ATP8B1: variants seen among roughly 807,000 people sequenced by gnomAD.
ATP8B1 encodes the protein phospholipid-transporting ATPase IC.
A neutral mutation model predicts 149.9 loss-of-function variants in ATP8B1; 80 were observed. That is an observed-to-expected ratio of 0.53 (90% CI 0.45 to 0.64). The LOEUF is 0.64. Ranked by LOEUF, ATP8B1 falls within the 30% of genes least tolerant of loss-of-function variation. The probability of loss-of-function intolerance (pLI) is 0.00; values close to 1 mark genes in which losing one functional copy is unlikely to be tolerated. For missense variants in ATP8B1, 1,247 were observed against 1,552.6 expected (o/e 0.80, Z 3.31); for synonymous variants, 536 against 562.8 (o/e 0.95, Z 0.67).
chr18:57,661,861 T>A (rs1341580467), intron 21 of ATP8B1, among the ~76,000 whole-genome samples: 1 of 151,524 alleles, frequency 6.6e-6, no homozygotes. Flanking sequence ...ACTACAGGTG[T>A]GCACCACCAC....
intron 6 of ATP8B1, among the ~76,000 whole-genome samples, chr18:57,700,511 G>T (rs1034737142): frequency 2.0e-5 from 3 of 152,064 alleles, no homozygotes; most frequent in African/African-American, 4.8e-5. Context: ...GTGTTGATAT[G>T]TTAAAAATTT....
intron 16 of ATP8B1, among the ~76,000 whole-genome samples, chr18:57,672,886 GTATATATATATATA>G (rs1198919117): frequency 1.1e-3 from 16 of 14,062 alleles, no homozygotes; most frequent in African/African-American, 3.7e-3. Flanking sequence ...AAAAAAAAAA[GTATATATATATATA>G]TATATATATA....
chr18:57,745,428 TG>T (rs2079955576), intron 1 of ATP8B1, among the ~76,000 whole-genome samples: 1 of 151,312 alleles, frequency 6.6e-6, no homozygotes, highest in African/African-American at 2.4e-5. Context: ...TGCACCACCA[TG>T]CTCGAGTAAT....
At chr18:57,783,277 G>T (rs1038829580) in intron 1 of ATP8B1, among the ~76,000 whole-genome samples, 1 of 152,250 alleles carries the variant, frequency 6.6e-6, no homozygotes, top group South Asian at 2.1e-4. Context: ...CTGATGGAAC[G>T]CAGGCATGGA....
intron 18 of ATP8B1, chr18:57,668,995 T>G: frequency 9.1e-6 from 2 of 218,932 alleles, no homozygotes; most frequent in Non-Finnish European, 8.8e-6. Flanking sequence ...ATTGTTTCGG[T>G]AATTCCCCCA....
At chr18:57,672,912 A>AAAACATG (rs1568189256) in intron 16 of ATP8B1, among the ~76,000 whole-genome samples, 6 of 75,514 alleles carry the variant, frequency 7.9e-5, no homozygotes, top group South Asian at 9.8e-4. Flanking sequence ...ATATATATAT[A>AAAACATG]TATATATATA....
At chr18:57,707,077 C>T (rs1353899606) in intron 2 of ATP8B1, among the ~76,000 whole-genome samples, 2 of 152,056 alleles carry the variant, frequency 1.3e-5, no homozygotes, top group African/African-American at 4.8e-5. Flanking sequence ...GAGGCCAAGG[C>T]GGGTGAATCA....
At chr18:57,728,907 A>T (rs1046998570) in intron 2 of ATP8B1, among the ~76,000 whole-genome samples, 12 of 151,746 alleles carry the variant, frequency 7.9e-5, no homozygotes, top group African/African-American at 2.9e-4. Flanking sequence ...TTTAATAGAG[A>T]TGGGGTTTCA....
Position 57,648,152 on chromosome 18 carries a change from A to C in ATP8B1, c.*336T>G. The C allele has an allele frequency of 4.9e-6, 2 of 405,752 alleles. No homozygotes were observed. The highest frequency in any genetic ancestry group is 5.4e-5 in the East Asian group (1 of 18,386). The allele number at this position is 405,752 out of a possible 1,614,324, so 25.1% of individuals were successfully genotyped here. ...CGGGTGCCCACCACCAAGCCCGGCTAATTTTTAATTTATGGTAGAGACAGG... is the reference window on the plus strand; with the variant it reads ...CGGGTGCCCACCACCAAGCCCGGCTCATTTTTAATTTATGGTAGAGACAGG... On this transcript the variant is annotated 3_prime_UTR_variant, in exon 28 of 28. Transcript: ENST00000648908.
intron 15 of ATP8B1, among the ~76,000 whole-genome samples, 187 bp from the exon 16 acceptor site, chr18:57,675,209 TATAAAC>T (rs1911521981): frequency 6.6e-6 from 1 of 152,264 alleles, no homozygotes; most frequent in African/African-American, 2.4e-5. Context: ...TATCTTGACT[TATAAAC>T]AGTAATATAA....
At chr18:57,686,667 C>T (rs552620495) in intron 13 of ATP8B1, among the ~76,000 whole-genome samples, 3 of 152,274 alleles carry the variant, frequency 2.0e-5, no homozygotes, top group South Asian at 2.1e-4. Context: ...GATCCACCCA[C>T]GTAGGCCTCC....
intron 1 of ATP8B1, among the ~76,000 whole-genome samples, chr18:57,771,436 A>G (rs1014271331): frequency 6.6e-6 from 1 of 151,434 alleles, no homozygotes; most frequent in Non-Finnish European, 1.5e-5. Context: ...CCTTCAATTC[A>G]CTTACTTCCT....
chr18:57,707,169 A>C (rs1441496468), intron 2 of ATP8B1, among the ~76,000 whole-genome samples: 1 of 152,064 alleles, frequency 6.6e-6, no homozygotes, highest in Non-Finnish European at 1.5e-5. Context: ...AGTGGCGGGC[A>C]CCTGTAATCC....
chr18:57,732,143 G>GTATATATATGTGTATATATA lies in ATP8B1; in HGVS notation c.-25-312_-25-311insTATATATACACATATATATA, dbSNP rs1401834198. The GTATATATATGTGTATATATA allele has an allele frequency of 1.4e-4, 5 of 36,794 alleles. 2 individuals are homozygous for GTATATATATGTGTATATATA. Among genetic ancestry groups the GTATATATATGTGTATATATA allele is most frequent in the Non-Finnish European group, 2.7e-4 (5 of 18,382 alleles). 2.3% of individuals were successfully genotyped at this position (36,794 alleles called of 1,614,324 possible). On this transcript the variant is annotated intron_variant, in intron 1 of 27. Transcript: ENST00000648908. The stretch of plus-strand genomic sequence containing the variant: ...TATATATATGTGTATATGTATATAT[G>GTATATATATGTGTATATATA]TGTATATATGTATATATATGTATAT...
At chr18:57,716,282 A>C (rs2079582189) in intron 2 of ATP8B1, among the ~76,000 whole-genome samples, 1 of 152,160 alleles carries the variant, frequency 6.6e-6, no homozygotes, top group Non-Finnish European at 1.5e-5. Context: ...GAAGGGAGGA[A>C]AGAAGGAAGA....
chr18:57,689,941 A>G (rs1035589256), intron 12 of ATP8B1, among the ~76,000 whole-genome samples: 10 of 152,214 alleles, frequency 6.6e-5, no homozygotes, highest in Non-Finnish European at 1.3e-4. Context: ...ACTTGAACCC[A>G]GCAGGTGGAG....
At position 57,646,760 on chromosome 18, in the gene ATP8B1, C is replaced by T. The variant is rs1209734808; in HGVS notation, c.*1728G>A. 2.6e-5 allele frequency: 4 copies of T among 152,536 alleles called. No individual in the cohort carries two copies. Among genetic ancestry groups the T allele is most frequent in the Non-Finnish European group, 5.9e-5 (4 of 68,006 alleles). 9.4% of individuals were successfully genotyped at this position (152,536 alleles called of 1,614,324 possible). On this transcript the variant is annotated 3_prime_UTR_variant, in exon 28 of 28. Transcript: ENST00000648908. The stretch of plus-strand genomic sequence containing the variant: ...GATTTTACTTCCACAGAATAAAAAG[C>T]CATACATTCTTTTATCATACCTAGA...
In ATP8B1 at chr18:57,647,008, C is replaced by T. The variant is rs1909218602; in HGVS notation, c.*1480G>A. 1 of 152,196 alleles carries T rather than the reference C, an allele frequency of 6.6e-6. No individual in the cohort carries two copies. The highest frequency in any genetic ancestry group is 2.4e-5 in the African/African-American group (1 of 41,458). 9.4% of individuals were successfully genotyped at this position (152,196 alleles called of 1,614,324 possible). A position where few individuals can be genotyped will look rare whatever the true frequency, so the allele number is the denominator to read the frequency against. On this transcript the variant is annotated 3_prime_UTR_variant, in exon 28 of 28. Transcript: ENST00000648908. ...TTCAAATTTAAAAGGACACACCATT[C>T]CCCAGTCTTAGGAATGTGGCTGCCA...
At position 57,688,319 on chromosome 18, in the gene ATP8B1, C is replaced by G; in HGVS notation, c.1409G>C (p.Cys470Ser). Residue 470 changes from cysteine (C) to serine (S), a missense_variant, in exon 13 of 28, where the codon TGT becomes TCT. This residue lies in a region of ATP8B1 where 853 missense variants were observed against 1,035.7 expected (regional missense o/e 0.82). Transcript: ENST00000648908. ...TQNIMTFKKC[C>S]INGQIYGDHR... Reference sequence around the variant, plus strand: ...CTTACCATATATCTGCCCGTTGATACAGCACTTTTTAAAGGTCATGATATT... The same window carrying G: ...CTTACCATATATCTGCCCGTTGATAGAGCACTTTTTAAAGGTCATGATATT... 1.2e-6 allele frequency: 2 copies of G among 1,614,132 alleles called. No individual in the cohort carries two copies. The highest frequency in any genetic ancestry group is 4.5e-5 in the East Asian group (2 of 44,874).
Sources: gnomAD v4.1 joint callset for allele counts (sites outside exome capture counted in the v4.1 genomes callset) on GRCh38, gnomAD v4.1.1 for gene constraint, gnomAD v4.1.1 regional missense constraint, MANE v1.5 for transcripts, NCBI Gene and HGNC (gene_info 2026-07-23, HGNC 2026-07-21) for gene names.